PCDHA2: variants seen among roughly 807,000 people sequenced by gnomAD.
PCDHA2 encodes the protein protocadherin alpha 2, also known as protocadherin alpha-2.
A neutral mutation model predicts 66.0 loss-of-function variants in PCDHA2; 58 were observed. That is an observed-to-expected ratio of 0.88 (90% CI 0.71 to 1.09). PCDHA2 has a LOEUF of 1.09. PCDHA2 is among the 50% of genes least tolerant of loss of function. The pLI, the probability that PCDHA2 is intolerant of heterozygous loss-of-function variation, is 0.00. For synonymous variants in PCDHA2, 634 were observed against 554.0 expected, an observed-to-expected ratio of 1.14 and a Z score of -2.03; for missense variants, 1,267 against 1,242.3, an observed-to-expected ratio of 1.02 and a Z score of -0.30.
chr5:141,006,491 G>A (rs142641127), intron 3 of PCDHA2, among the ~76,000 whole-genome samples: 4,876 of 152,234 alleles, frequency 0.032, 273 homozygotes, highest in African/African-American at 0.11. Context: ...GGGATTACAT[G>A]TGTGAGCCAC....
intron 1 of PCDHA2, among the ~76,000 whole-genome samples, chr5:140,931,204 A>G (rs782790968): frequency 7.2e-5 from 11 of 152,176 alleles, no homozygotes; most frequent in Non-Finnish European, 1.5e-4. Context: ...CAATGCTAGT[A>G]TTTCAGGTAT....
At chr5:140,922,825 C>T (rs1554200979) in intron 1 of PCDHA2, among the ~76,000 whole-genome samples, 1 of 152,178 alleles carries the variant, frequency 6.6e-6, no homozygotes, top group Non-Finnish European at 1.5e-5. Context: ...CAGCATACTG[C>T]TAATAGATGT....
At chr5:140,828,181 G>A (rs2150151926) in intron 1 of PCDHA2, 12 of 1,614,058 alleles carry the variant, frequency 7.4e-6, no homozygotes, top group Non-Finnish European at 9.3e-6. Flanking sequence ...GGAGCGGCCA[G>A]CTCCACTACT....
At chr5:140,804,916 C>A in intron 1 of PCDHA2, 1 of 946,486 alleles carries the variant, frequency 1.1e-6, no homozygotes, top group Non-Finnish European at 1.5e-6. Flanking sequence ...TCTTTATTTC[C>A]TTTTTTGGCA....
intron 3 of PCDHA2, among the ~76,000 whole-genome samples, chr5:140,996,540 T>C (rs2097730922): frequency 1.3e-5 from 2 of 152,218 alleles, no homozygotes. Flanking sequence ...TGTTTTGATA[T>C]TATGCTGTCA....
chr5:140,947,772 G>A (rs77655739), intron 1 of PCDHA2, among the ~76,000 whole-genome samples: 3,551 of 151,528 alleles, frequency 0.023, 49 homozygotes, highest in Middle Eastern at 0.034. Flanking sequence ...AAATTCTATT[G>A]TAAATGGATT....
In PCDHA2 at chr5:140,797,068, A is replaced by G. The variant is rs369236781; in HGVS notation, c.2104A>G (p.Ile702Val). Reference sequence around the variant, plus strand: ...GGTGGATGTCAACGTGTACCTGATCATCGCCATCTGCGCGGTATCCAGCCT... The same window carrying G: ...GGTGGATGTCAACGTGTACCTGATCGTCGCCATCTGCGCGGTATCCAGCCT... Reference protein sequence around the residue: ...TLVDVNVYLIIAICAVSSLLV... With the variant: ...TLVDVNVYLIVAICAVSSLLV... The change falls in exon 1 of 4, where the codon ATC becomes GTC. Residue 702 changes from isoleucine to valine, a missense_variant. By Grantham distance (29) the Ile-to-Val change is conservative (BLOSUM62 3). Coordinates refer to ENST00000526136, the MANE Select transcript of PCDHA2 (RefSeq NM_018905.3). 3.3e-5 allele frequency: 54 copies of G among 1,613,816 alleles called. 1 individual carries two copies. The Admixed American group carries it at 7.2e-4, about 21-fold the overall frequency.
intron 1 of PCDHA2, among the ~76,000 whole-genome samples, chr5:140,846,724 A>G (rs1780644299): frequency 6.7e-6 from 1 of 149,338 alleles, no homozygotes; most frequent in Admixed American, 6.7e-5. Context: ...AGTCTTCATT[A>G]AACATTAAAT....
intron 1 of PCDHA2, among the ~76,000 whole-genome samples, chr5:140,973,765 G>A (rs1326498499): frequency 6.6e-6 from 1 of 152,230 alleles, no homozygotes; most frequent in African/African-American, 2.4e-5. Context: ...GACACAGCCT[G>A]GCATATTATA....
Position 140,822,110 on chromosome 5 carries a change from C to G in PCDHA2, c.2388+24758C>G. On this transcript the variant is annotated intron_variant, in intron 1 of 3. Coordinates refer to ENST00000526136, the MANE Select transcript of PCDHA2 (RefSeq NM_018905.3). Reference sequence around the variant, plus strand: ...CACCTGGAGGTGATCGTGGACAGGCCGCTGCAGGTTTTCCATGTGGAGGTG... The same window carrying G: ...CACCTGGAGGTGATCGTGGACAGGCGGCTGCAGGTTTTCCATGTGGAGGTG... The G allele has an allele frequency of 6.2e-7, 1 of 1,614,208 alleles. No individual in the cohort carries two copies. The highest frequency in any genetic ancestry group is 8.5e-7 in the Non-Finnish European group (1 of 1,180,052).
chr5:140,986,238 A>G (rs1358537911), intron 3 of PCDHA2, among the ~76,000 whole-genome samples: 1 of 152,152 alleles, frequency 6.6e-6, no homozygotes. Context: ...CCTCTGTGTG[A>G]GCAGACCCGG....
At chr5:140,888,610 A>G (rs1180344966) in intron 1 of PCDHA2, among the ~76,000 whole-genome samples, 1 of 152,210 alleles carries the variant, frequency 6.6e-6, no homozygotes, top group African/African-American at 2.4e-5. Context: ...CTTTTAGTGT[A>G]GCACTAATTC....
rs1479171365 is a variant in PCDHA2, at chr5:140,869,633, A to AT, written c.2388+72286dup. 9 of 1,613,494 alleles carry AT rather than the reference A, an allele frequency of 5.6e-6. No homozygotes were observed. In the African/African-American group the frequency reaches 8.0e-5, roughly 14 times the overall value. On this transcript the variant is annotated intron_variant, in intron 1 of 3. Coordinates refer to ENST00000526136, the MANE Select transcript of PCDHA2 (RefSeq NM_018905.3). ...ACCTACAGGCTAAGTAAAAATGAGT[A>AT]TTTTTCTTTAGATTCACCAACAAAT...
rs76093196 is a variant in PCDHA2, at chr5:140,971,173, C to G, written c.2389-7776C>G. Reference sequence around the variant, plus strand: ...AGGCCAGGCTCAGCTTTGCCACCAGCTGTAAGCCGGAAGCTCAGAGGAAAG... The same window carrying G: ...AGGCCAGGCTCAGCTTTGCCACCAGGTGTAAGCCGGAAGCTCAGAGGAAAG... On this transcript the variant is annotated intron_variant, in intron 1 of 3. Transcript: ENST00000526136. Among the ~76,000 whole-genome samples the G allele has an allele frequency of 3.8e-3, 583 of 152,260 alleles. 1 individual carries two copies. Among genetic ancestry groups the G allele is most frequent in the Non-Finnish European group, 7.2e-3 (492 of 68,018 alleles).
intron 1 of PCDHA2, chr5:140,968,662 C>CT (rs781816838): frequency 1.2e-6 from 2 of 1,614,158 alleles, no homozygotes; most frequent in South Asian, 2.2e-5. Context: ...ACCTGGACCT[C>CT]TTTAAGGTAG....
At chr5:140,977,301 G>T (rs1478869150) in intron 1 of PCDHA2, among the ~76,000 whole-genome samples, 1 of 152,208 alleles carries the variant, frequency 6.6e-6, no homozygotes, top group Non-Finnish European at 1.5e-5. Context: ...CAGCTGACAA[G>T]CTAACGATAG....
At chr5:140,859,835 A>G (rs2046039280) in intron 1 of PCDHA2, 1 of 152,134 alleles carries the variant, frequency 6.6e-6, no homozygotes, top group South Asian at 2.1e-4. Context: ...TGTATTTGTT[A>G]TTTTATCAAA....
chr5:140,806,964 T>C (rs1380498869), intron 1 of PCDHA2: 2 of 602,612 alleles, frequency 3.3e-6, no homozygotes, highest in Non-Finnish European at 5.8e-6. Context: ...GTTTCCACAA[T>C]TGCTACTTAC....
At chr5:140,898,471 C>G (rs1421437999) in intron 1 of PCDHA2, among the ~76,000 whole-genome samples, 1 of 152,108 alleles carries the variant, frequency 6.6e-6, no homozygotes, top group African/African-American at 2.4e-5. Flanking sequence ...GCTTGTTTTT[C>G]TCAGGTTTGT....
Sources: gnomAD v4.1 joint callset for allele counts (sites outside exome capture counted in the v4.1 genomes callset) on GRCh38, gnomAD v4.1.1 for gene constraint, MANE v1.5 for transcripts, NCBI Gene and HGNC (gene_info 2026-07-23, HGNC 2026-07-21) for gene names.